The following EPC2 variants were observed in gnomAD, a reference collection of about 807,000 sequenced individuals.
EPC2 encodes the protein enhancer of polycomb homolog 2.
In EPC2, 14 loss-of-function variants were observed where a neutral mutation model predicts 92.1. That is an observed-to-expected ratio of 0.15 (90% CI 0.10 to 0.24). The LOEUF (loss-of-function observed/expected upper bound fraction) is 0.24, where lower values mean the gene tolerates loss of function less well. Ranked by LOEUF, EPC2 falls within the 10% of genes least tolerant of loss-of-function variation. The pLI is 1.00. For missense variants in EPC2, 755 were observed against 971.5 expected (o/e 0.78, Z 2.96); for synonymous variants, 340 against 334.7 (o/e 1.02, Z -0.17).
chr2:148,703,868 T>C (rs968743800), intron 2 of EPC2, among the ~76,000 whole-genome samples: 1 of 152,198 alleles, frequency 6.6e-6, no homozygotes, highest in Non-Finnish European at 1.5e-5. Flanking sequence ...TACCACCTCA[T>C]ACCCTTTAGA....
intron 11 of EPC2, among the ~76,000 whole-genome samples, chr2:148,782,793 C>G (rs1683780131): frequency 6.6e-6 from 1 of 152,100 alleles, no homozygotes; most frequent in Non-Finnish European, 1.5e-5. Context: ...ACTAAGAAAT[C>G]TATTTCAAAT....
chr2:148,711,053 G>T (rs1682132495), intron 2 of EPC2, among the ~76,000 whole-genome samples: 1 of 151,800 alleles, frequency 6.6e-6, no homozygotes, highest in Admixed American at 6.6e-5. Flanking sequence ...AGCTTTTGGT[G>T]TTATTGTTTT....
intron 2 of EPC2, among the ~76,000 whole-genome samples, chr2:148,719,868 C>G (rs956878861): frequency 1.8e-4 from 28 of 152,264 alleles, no homozygotes; most frequent in African/African-American, 6.0e-4. Context: ...GCAACCTGCC[C>G]CACTCTTCAG....
chr2:148,663,072 G>A (rs1467761675), intron 1 of EPC2, among the ~76,000 whole-genome samples: 3 of 151,594 alleles, frequency 2.0e-5, no homozygotes, highest in Non-Finnish European at 4.4e-5. Context: ...TGCAAGTAGG[G>A]TGAGATGATT....
At chr2:148,718,123 G>C (rs975397357) in intron 2 of EPC2, among the ~76,000 whole-genome samples, 2 of 152,110 alleles carry the variant, frequency 1.3e-5, no homozygotes, top group African/African-American at 4.8e-5. Context: ...TTTATTTTGA[G>C]TCTTTGTGTG....
At chr2:148,681,760 G>A (rs768842203) in intron 1 of EPC2, among the ~76,000 whole-genome samples, 2 of 152,090 alleles carry the variant, frequency 1.3e-5, no homozygotes, top group Non-Finnish European at 2.9e-5. Context: ...TAGGGTACAT[G>A]TGCACAACAT....
At chr2:148,710,535 A>G (rs1238769312) in intron 2 of EPC2, among the ~76,000 whole-genome samples, 1 of 152,228 alleles carries the variant, frequency 6.6e-6, no homozygotes, top group East Asian at 1.9e-4. Context: ...TGCTACTATA[A>G]AGACACATGC....
At chr2:148,770,976 T>C in intron 9 of EPC2, 39 bp downstream of exon 9, 1 of 1,600,014 alleles carries the variant, frequency 6.2e-7, no homozygotes, top group Non-Finnish European at 8.5e-7. Flanking sequence ...GTTTGCTATC[T>C]GGAACAGAAG....
At position 148,785,018 on chromosome 2, in the gene EPC2, C is replaced by G. The variant is rs1296608807; in HGVS notation, c.2351+17C>G. ...CATAGCAAGGTGTGTGTGTGTGTTT[C>G]AGTGATTTTTCTCCCTTTGTGCTGG... On this transcript the variant is annotated intron_variant, in intron 13 of 13. Transcript: ENST00000258484. The G allele has an allele frequency of 6.8e-7, 1 of 1,465,798 alleles. No individual in the cohort carries two copies. Among genetic ancestry groups the G allele is most frequent in the Non-Finnish European group, 9.0e-7 (1 of 1,106,970 alleles). The allele number at this position is 1,465,798 out of a possible 1,614,324, so 90.8% of individuals were successfully genotyped here.
Position 148,703,505 on chromosome 2 carries a change from T to G in EPC2, c.313+13132T>G, listed in dbSNP as rs183509411. 1.2e-4 allele frequency among the ~76,000 whole-genome samples: 18 copies of G among 152,222 alleles called. No homozygotes were observed. The East Asian group carries it at 3.5e-3, about 29-fold the overall frequency. On this transcript the variant is annotated intron_variant, in intron 2 of 13. Coordinates refer to ENST00000258484, the MANE Select transcript of EPC2 (RefSeq NM_015630.4). ...GATCCTTTTCTTTGGGAGTGAGGCC[T>G]GAAAAATGAGGGTTTTTGTTCTTTT...
At chr2:148,764,788 TAA>T (rs1274657607) in intron 6 of EPC2, among the ~76,000 whole-genome samples, 165 bp from the exon 7 acceptor site, 1 of 152,196 alleles carries the variant, frequency 6.6e-6, no homozygotes, top group Non-Finnish European at 1.5e-5. Flanking sequence ...TTGCAGAAAG[TAA>T]AACATGTTTC....
chr2:148,714,963 T>A (rs985567177), intron 2 of EPC2, among the ~76,000 whole-genome samples: 1 of 152,218 alleles, frequency 6.6e-6, no homozygotes, highest in African/African-American at 2.4e-5. Flanking sequence ...TTTGGCATCT[T>A]TGTCATGAAA....
chr2:148,656,016 TGTGTGTGTG>T (rs1680787509), intron 1 of EPC2, among the ~76,000 whole-genome samples: 1 of 89,274 alleles, frequency 1.1e-5, no homozygotes, highest in Non-Finnish European at 2.3e-5. Flanking sequence ...TGTGTGTGTG[TGTGTGTGTG>T]GGGGGGGGGG....
intron 2 of EPC2, among the ~76,000 whole-genome samples, chr2:148,703,493 G>C (rs375231090): frequency 2.6e-5 from 4 of 151,856 alleles, no homozygotes; most frequent in African/African-American, 9.7e-5. Context: ...CCTTTTCTTT[G>C]GGAGTGAGGC....
At chr2:148,682,768 A>G (rs1047337075) in intron 1 of EPC2, among the ~76,000 whole-genome samples, 1 of 152,194 alleles carries the variant, frequency 6.6e-6, no homozygotes, top group African/African-American at 2.4e-5. Context: ...TTAATCACAT[A>G]TGGCCAATCG....
chr2:148,734,292 A>G (rs1437177323), intron 2 of EPC2, among the ~76,000 whole-genome samples: 1 of 152,178 alleles, frequency 6.6e-6, no homozygotes, highest in Non-Finnish European at 1.5e-5. Flanking sequence ...TAATCTTTAA[A>G]AAAATAAGCC....
Position 148,769,138 on chromosome 2 carries a change from C to G in EPC2, c.1141-13C>G, listed in dbSNP as rs781092764. On this transcript the variant is annotated splice_polypyrimidine_tract_variant and intron_variant, in intron 7 of 13. Transcript: ENST00000258484. ...TTTTGATAACTTCTAAATGGAATGC[C>G]TCTTTTGTCTAGGTATTGTCCCCAG... 7.5e-6 allele frequency: 12 copies of G among 1,589,990 alleles called. No homozygotes were observed. The highest frequency in any genetic ancestry group is 1.0e-5 in the Non-Finnish European group (12 of 1,160,920).
chr2:148,733,608 C>G (rs956350335), intron 2 of EPC2, among the ~76,000 whole-genome samples: 1 of 149,610 alleles, frequency 6.7e-6, no homozygotes, highest in Admixed American at 6.7e-5. Flanking sequence ...AGCCATCCTC[C>G]CAGCTCAGCC....
At chr2:148,739,028 A>G (rs1370633494) in intron 2 of EPC2, among the ~76,000 whole-genome samples, 5 of 152,218 alleles carry the variant, frequency 3.3e-5, no homozygotes, top group Admixed American at 6.5e-5. Context: ...AGGAAGAACC[A>G]CTGGAGAACA....
Sources: allele counts gnomAD v4.1 joint callset (sites outside exome capture counted in the v4.1 genomes callset), GRCh38; gene constraint gnomAD v4.1.1; transcripts MANE v1.5; gene names NCBI Gene and HGNC (gene_info 2026-07-23, HGNC 2026-07-21).